The following CAMKMT variants were observed in gnomAD, a reference collection of about 807,000 sequenced individuals.
CAMKMT encodes the protein calmodulin-lysine N-methyltransferase.
Under a neutral mutation model 48.0 loss-of-function variants are expected in CAMKMT, and 53 were observed. That is an observed-to-expected ratio of 1.10 (90% CI 0.89 to 1.39). The LOEUF is 1.39. CAMKMT is among the 40% of genes most tolerant of loss of function. The pLI, the probability that CAMKMT is intolerant of heterozygous loss-of-function variation, is 0.00. For missense variants in CAMKMT, 428 were observed against 402.7 expected, an observed-to-expected ratio of 1.06 and a Z score of -0.54; for synonymous variants, 165 against 152.3, an observed-to-expected ratio of 1.08 and a Z score of -0.61.
chr2:44,513,035 A>G (rs1670647073), intron 3 of CAMKMT, among the ~76,000 whole-genome samples: 1 of 152,210 alleles, frequency 6.6e-6, no homozygotes, highest in African/African-American at 2.4e-5. Context: ...AAACATTCTG[A>G]TGAGAGCTTT....
At chr2:44,674,652 T>G (rs1322366071) in intron 3 of CAMKMT, among the ~76,000 whole-genome samples, 1 of 152,146 alleles carries the variant, frequency 6.6e-6, no homozygotes, top group East Asian at 1.9e-4. Flanking sequence ...TGTTCAGGTG[T>G]CAAAATGCTA....
At chr2:44,726,579 C>A (rs1188246238) in intron 7 of CAMKMT, among the ~76,000 whole-genome samples, 1 of 152,010 alleles carries the variant, frequency 6.6e-6, no homozygotes, top group Admixed American at 6.6e-5. Flanking sequence ...GTCCATTTAC[C>A]CTGTTGGTAG....
At chr2:44,576,370 G>T (rs545942615) in intron 3 of CAMKMT, among the ~76,000 whole-genome samples, 2 of 151,646 alleles carry the variant, frequency 1.3e-5, no homozygotes, top group African/African-American at 4.8e-5. Context: ...AAGAACACAG[G>T]TGGGAGAAAG....
chr2:44,608,695 A>G (rs1671436060), intron 3 of CAMKMT, among the ~76,000 whole-genome samples: 1 of 152,134 alleles, frequency 6.6e-6, no homozygotes, highest in Non-Finnish European at 1.5e-5. Context: ...ATCTGGATCC[A>G]ATCAGAATCC....
chr2:44,514,223 G>T (rs1358720795), intron 3 of CAMKMT, among the ~76,000 whole-genome samples: 3 of 152,150 alleles, frequency 2.0e-5, no homozygotes, highest in Admixed American at 6.5e-5. Context: ...ATTGTCCGGG[G>T]CTAGGACCTA....
chr2:44,707,200 C>A (rs755034083), intron 5 of CAMKMT, among the ~76,000 whole-genome samples, 199 bp from the exon 6 acceptor site: 4 of 151,798 alleles, frequency 2.6e-5, no homozygotes, highest in Admixed American at 1.3e-4. Context: ...TAGAGGCTCC[C>A]GCAAATGGAA....
chr2:44,668,676 G>GT (rs1376321515), intron 3 of CAMKMT, among the ~76,000 whole-genome samples: 3 of 152,102 alleles, frequency 2.0e-5, no homozygotes, highest in Non-Finnish European at 2.9e-5. Flanking sequence ...TATTACCAAT[G>GT]TTTTTAACAC....
chr2:44,517,152 A>T (rs1425017269), intron 3 of CAMKMT, among the ~76,000 whole-genome samples: 2 of 152,222 alleles, frequency 1.3e-5, no homozygotes, highest in Non-Finnish European at 2.9e-5. Context: ...TCCTTTTAAA[A>T]AAACAGGAAC....
At chr2:44,402,740 G>GTTTTTTTTTTTTTTTTTTTCT in intron 3 of CAMKMT, among the ~76,000 whole-genome samples, 2 of 94,106 alleles carry the variant, frequency 2.1e-5, no homozygotes, top group East Asian at 2.9e-4. Context: ...TTGTTTTGCT[G>GTTTTTTTTTTTTTTTTTTTCT]TTTTTTTTTT....
At chr2:44,746,196 T>C (rs75466245) in intron 8 of CAMKMT, among the ~76,000 whole-genome samples, 14,953 of 152,282 alleles carry the variant, frequency 0.098, 818 homozygotes, top group South Asian at 0.15. Flanking sequence ...ATTAGGTACA[T>C]GGATTAAAAT....
chr2:44,617,932 G>A, intron 3 of CAMKMT, among the ~76,000 whole-genome samples: 1 of 152,176 alleles, frequency 6.6e-6, no homozygotes, highest in East Asian at 1.9e-4. Flanking sequence ...ATAGGATATA[G>A]ATGGCTTATG....
intron 3 of CAMKMT, among the ~76,000 whole-genome samples, chr2:44,404,216 A>G (rs1452428523): frequency 6.6e-6 from 1 of 152,132 alleles, no homozygotes; most frequent in African/African-American, 2.4e-5. Flanking sequence ...AAGTAAATAA[A>G]TTAGGATATG....
chr2:44,636,198 G>A (rs1003962018), intron 3 of CAMKMT, among the ~76,000 whole-genome samples: 3 of 152,116 alleles, frequency 2.0e-5, no homozygotes, highest in Non-Finnish European at 4.4e-5. Context: ...CTGGACTAAG[G>A]GAGCAGAACT....
At chr2:44,581,667 G>A (rs763887002) in intron 3 of CAMKMT, among the ~76,000 whole-genome samples, 1 of 152,200 alleles carries the variant, frequency 6.6e-6, no homozygotes, top group Admixed American at 6.5e-5. Flanking sequence ...TATATAAAGA[G>A]CACTGTAAAT....
chr2:44,516,770 C>A (rs372863946), intron 3 of CAMKMT, among the ~76,000 whole-genome samples: 16 of 128,904 alleles, frequency 1.2e-4, no homozygotes, highest in African/African-American at 4.6e-4. Context: ...GAGACGGAGT[C>A]TCACTCTGTC....
At position 44,599,179 on chromosome 2, in the gene CAMKMT, G is replaced by A. The variant is rs76647677; in HGVS notation, c.377-105104G>A. Among the ~76,000 whole-genome samples, 154 of 152,228 alleles carry A rather than the reference G, an allele frequency of 1.0e-3. 2 individuals carry two copies. Among genetic ancestry groups the A allele is most frequent in the African/African-American group, 3.6e-3 (150 of 41,480 alleles). On this transcript the variant is annotated intron_variant, in intron 3 of 10. Transcript: ENST00000378494. Reference sequence around the variant, plus strand: ...AACCTAATGTGAATTGCCTAGGTATGAGAAGCCTTAGAACTTTGTTAGAAA... The same window carrying A: ...AACCTAATGTGAATTGCCTAGGTATAAGAAGCCTTAGAACTTTGTTAGAAA...
At chr2:44,428,243 G>T (rs1378805988) in intron 3 of CAMKMT, among the ~76,000 whole-genome samples, 1 of 152,184 alleles carries the variant, frequency 6.6e-6, no homozygotes, top group Non-Finnish European at 1.5e-5. Context: ...CAGCAGGATG[G>T]AGAGTTGGAA....
chr2:44,548,461 T>C (rs1192332051), intron 3 of CAMKMT, among the ~76,000 whole-genome samples: 2 of 152,148 alleles, frequency 1.3e-5, no homozygotes, highest in Non-Finnish European at 2.9e-5. Flanking sequence ...AATTCTAAAA[T>C]GGCCCCCAAG....
intron 3 of CAMKMT, among the ~76,000 whole-genome samples, chr2:44,568,424 G>A (rs1057130359): frequency 6.6e-6 from 1 of 152,168 alleles, no homozygotes; most frequent in Non-Finnish European, 1.5e-5. Flanking sequence ...GTTGCTCTGA[G>A]CTTAGGGCAG....
Sources: allele counts gnomAD v4.1 joint callset (sites outside exome capture counted in the v4.1 genomes callset), GRCh38; gene constraint gnomAD v4.1.1; transcripts MANE v1.5; gene names NCBI Gene and HGNC (gene_info 2026-07-23, HGNC 2026-07-21).